Variants in ITPRID1 observed in about 807,000 individuals in gnomAD.
The protein encoded by ITPRID1 is ITPR interacting domain containing 1.
A neutral mutation model predicts 95.4 loss-of-function variants in ITPRID1; 96 were observed. The ratio of observed to expected loss-of-function variants is 1.01; its 90% CI spans 0.85 to 1.19. The LOEUF is 1.19. Among genes scored for constraint, ITPRID1 ranks in the 50% most tolerant of loss-of-function variants. ITPRID1 has a pLI of 0.00. For synonymous variants in ITPRID1, 510 were observed against 453.6 expected, an observed-to-expected ratio of 1.12 and a Z score of -1.58; for missense variants, 1,339 against 1,252.9, an observed-to-expected ratio of 1.07 and a Z score of -1.04.
intron 1 of ITPRID1, among the ~76,000 whole-genome samples, chr7:31,534,066 G>A (rs1422917987): frequency 1.3e-5 from 2 of 152,144 alleles, no homozygotes; most frequent in African/African-American, 4.8e-5. Flanking sequence ...CACATGCGAG[G>A]GATCTAGGTT....
intron 10 of ITPRID1, among the ~76,000 whole-genome samples, chr7:31,614,321 T>C (rs1433139856): frequency 6.6e-6 from 1 of 152,116 alleles, no homozygotes; most frequent in Non-Finnish European, 1.5e-5. Context: ...TTTACTTTGG[T>C]GAGATTATGG....
intron 1 of ITPRID1, among the ~76,000 whole-genome samples, chr7:31,547,528 G>A (rs1325908811): frequency 6.6e-6 from 1 of 151,140 alleles, no homozygotes; most frequent in East Asian, 2.0e-4. Context: ...CAGCATGGAG[G>A]TAACTGCCTC....
At chr7:31,565,242 G>A (rs1784756685) in intron 5 of ITPRID1, among the ~76,000 whole-genome samples, 1 of 151,974 alleles carries the variant, frequency 6.6e-6, no homozygotes, top group Admixed American at 6.6e-5. Context: ...AACATAAAAT[G>A]GAAATCAAAA....
intron 9 of ITPRID1, among the ~76,000 whole-genome samples, chr7:31,582,533 G>A (rs1164474948): frequency 2.0e-5 from 3 of 152,220 alleles, no homozygotes; most frequent in South Asian, 2.1e-4. Flanking sequence ...TTATAGGCAT[G>A]AGTTATCAAG....
At position 31,652,574 on chromosome 7, in the gene ITPRID1, T is replaced by C. The variant is rs754952063; in HGVS notation, c.2880T>C (p.Tyr960=). Reference sequence around the variant, plus strand: ...AACACTATTCAAATCTGCATCAATATAACTGGATAGAAGAAAGCAATGGGC... The same window carrying C: ...AACACTATTCAAATCTGCATCAATACAACTGGATAGAAGAAAGCAATGGGC... ...PPEHYSNLHQ[Y]NWIEESNGQT... Residue 960 remains tyrosine, a synonymous_variant, in exon 15 of 15, where the codon TAT becomes TAC. Coordinates refer to ENST00000615280, the MANE Select transcript of ITPRID1 (RefSeq NM_001257967.3). 9 of 1,611,424 alleles carry C rather than the reference T, an allele frequency of 5.6e-6. No homozygotes were observed. The African/African-American group carries it at 1.2e-4, about 22-fold the overall frequency.
chr7:31,554,340 A>G, intron 3 of ITPRID1, 135 bp from the exon 4 acceptor site: 1 of 1,359,148 alleles, frequency 7.4e-7, no homozygotes, highest in Non-Finnish European at 9.5e-7. Flanking sequence ...AGGAAAAAAA[A>G]TGAATATGCT....
At chr7:31,582,486 A>G (rs1785438642) in intron 9 of ITPRID1, among the ~76,000 whole-genome samples, 1 of 152,154 alleles carries the variant, frequency 6.6e-6, no homozygotes, top group Non-Finnish European at 1.5e-5. Context: ...CCTGGCTTCA[A>G]GTGATCCTCC....
intron 10 of ITPRID1, among the ~76,000 whole-genome samples, chr7:31,584,151 C>T (rs1030906832): frequency 1.3e-5 from 2 of 152,124 alleles, no homozygotes; most frequent in African/African-American, 4.8e-5. Flanking sequence ...TAGAAGTAGG[C>T]AGAACTAGCC....
intron 1 of ITPRID1, 186 bp downstream of exon 1, chr7:31,514,306 C>T (rs1583445557): frequency 6.6e-6 from 1 of 152,332 alleles, no homozygotes; most frequent in East Asian, 1.9e-4. Context: ...TTACCTTCTT[C>T]TCTCCCTCTA....
At chr7:31,558,018 T>G (rs970385867) in intron 5 of ITPRID1, among the ~76,000 whole-genome samples, 7 of 152,184 alleles carry the variant, frequency 4.6e-5, no homozygotes, top group South Asian at 2.1e-4. Context: ...GACTCTGCCT[T>G]TATGAATGGT....
At chr7:31,658,224 A>G, downstream of ITPRID1, 3 of 1,453,702 alleles carry the variant, frequency 2.1e-6, no homozygotes, top group South Asian at 4.2e-5. Flanking sequence ...ACTTCCCAGA[A>G]AAATGTTGCA....
At chr7:31,519,218 T>A (rs1311975103) in intron 1 of ITPRID1, among the ~76,000 whole-genome samples, 1 of 152,070 alleles carries the variant, frequency 6.6e-6, no homozygotes, top group Non-Finnish European at 1.5e-5. Context: ...GGAAGGAAGA[T>A]AGAGAAATAA....
chr7:31,560,712 T>A (rs554045575), intron 5 of ITPRID1, among the ~76,000 whole-genome samples: 4 of 152,296 alleles, frequency 2.6e-5, no homozygotes, highest in Non-Finnish European at 5.9e-5. Context: ...GGAAAAACAA[T>A]AGAAGGATAG....
intron 10 of ITPRID1, among the ~76,000 whole-genome samples, chr7:31,595,635 A>C (rs925302925): frequency 6.6e-6 from 1 of 152,218 alleles, no homozygotes; most frequent in Non-Finnish European, 1.5e-5. Context: ...AGGCAAATTC[A>C]TAGCACTGAT....
intron 8 of ITPRID1, among the ~76,000 whole-genome samples, 195 bp from the exon 9 acceptor site, chr7:31,577,668 C>A (rs1785233632): frequency 6.6e-6 from 1 of 152,122 alleles, no homozygotes; most frequent in South Asian, 2.1e-4. Context: ...CATAACACAG[C>A]AAAATCTCAT....
chr7:31,516,596 GA>G (rs1783047938), intron 1 of ITPRID1, among the ~76,000 whole-genome samples: 1 of 151,880 alleles, frequency 6.6e-6, no homozygotes, highest in South Asian at 2.1e-4. Flanking sequence ...ACCCAGATTT[GA>G]ATGTAAGTCT....
At chr7:31,582,928 T>A (rs1176077279) in intron 9 of ITPRID1, among the ~76,000 whole-genome samples, 1 of 152,180 alleles carries the variant, frequency 6.6e-6, no homozygotes, top group Non-Finnish European at 1.5e-5. Context: ...TCCCATCCAG[T>A]TGTGATCTTC....
rs1415157012 is a variant in ITPRID1, at chr7:31,642,925, A to G, written c.1555A>G (p.Ile519Val). The change falls in exon 12 of 15, where the codon ATC becomes GTC. Residue 519 changes from isoleucine (I) to valine (V), a missense_variant. Physicochemically the swap from Ile to Val is conservative, Grantham distance 29 (BLOSUM62 3). Transcript: ENST00000615280. ...EAMEGPPELYIPDMACAKTTT... is the reference protein window; with the variant it reads ...EAMEGPPELYVPDMACAKTTT... ...CATGGAGGGGCCACCAGAGCTGTAT[A>G]TCCCAGACATGGCCTGTGCCAAGAC... 1 of 1,613,934 alleles carries G rather than the reference A, an allele frequency of 6.2e-7. No individual in the cohort carries two copies. The highest frequency in any genetic ancestry group is 1.3e-5 in the African/African-American group (1 of 74,938).
At chr7:31,585,379 T>C (rs922445785) in intron 10 of ITPRID1, among the ~76,000 whole-genome samples, 1 of 152,090 alleles carries the variant, frequency 6.6e-6, no homozygotes, top group Non-Finnish European at 1.5e-5. Flanking sequence ...TGACTTCATA[T>C]AGAAAATTGG....
Sources: gnomAD v4.1 joint callset for allele counts (sites outside exome capture counted in the v4.1 genomes callset) on GRCh38, gnomAD v4.1.1 for gene constraint, MANE v1.5 for transcripts, NCBI Gene and HGNC (gene_info 2026-07-23, HGNC 2026-07-21) for gene names.